The following TMTC1 variants were observed in gnomAD, a reference collection of about 807,000 sequenced individuals.
The protein encoded by TMTC1 is transmembrane O-mannosyltransferase targeting cadherins 1, also known as protein O-mannosyl-transferase TMTC1.
In TMTC1, 73 loss-of-function variants were observed where a neutral mutation model predicts 104.8. The observed-to-expected ratio is 0.70, with a 90% confidence interval of 0.58 to 0.85. TMTC1 has a LOEUF of 0.85. Among genes scored for constraint, TMTC1 ranks in the 40% least tolerant of loss-of-function variants. The pLI, the probability that TMTC1 is intolerant of heterozygous loss-of-function variation, is 0.00. For synonymous variants in TMTC1, 434 were observed against 428.7 expected (o/e 1.01, Z -0.15); for missense variants, 1,035 against 1,096.1 (o/e 0.94, Z 0.79).
chr12:29,583,184 T>C (rs1946029456), intron 8 of TMTC1, among the ~76,000 whole-genome samples: 2 of 152,196 alleles, frequency 1.3e-5, no homozygotes, highest in Admixed American at 1.3e-4. Flanking sequence ...GGAGCCTTAT[T>C]TTCATAAATT....
intron 5 of TMTC1, among the ~76,000 whole-genome samples, chr12:29,720,699 T>A (rs1942213765): frequency 6.6e-6 from 1 of 151,950 alleles, no homozygotes; most frequent in African/African-American, 2.4e-5. Context: ...CATGCTTCAA[T>A]ACGAGATCAA....
rs1943702298 is a variant in TMTC1 at position 29,506,762 on chromosome 12, C to A, written c.*84G>T. The A allele has an allele frequency of 6.5e-7, 1 of 1,526,818 alleles. No individual in the cohort carries two copies. The highest frequency in any genetic ancestry group is 1.7e-5 in the Admixed American group (1 of 59,270). 94.6% of individuals were successfully genotyped at this position (1,526,818 alleles called of 1,614,324 possible). A position where few individuals can be genotyped will look rare whatever the true frequency, so the allele number is the denominator to read the frequency against. On this transcript the variant is annotated 3_prime_UTR_variant, in exon 18 of 18. Transcript: ENST00000539277. The stretch of plus-strand genomic sequence containing the variant: ...TGAGAGAAAATCTCATTAGTTGTGC[C>A]CCTGCTGATGTGAAAGCAAGGCTTC...
rs189668604 is a variant in TMTC1 at position 29,629,890 on chromosome 12, T to C, written c.1128+3257A>G. 3.0e-4 allele frequency among the ~76,000 whole-genome samples: 45 copies of C among 152,322 alleles called. No individual in the cohort carries two copies. The East Asian group carries it at 6.9e-3, about 23-fold the overall frequency. ...AATTTTTTTCATTCAATTTTCAGGATTGGCCTTATGTTTTGTGTTTAAATT... is the reference window on the plus strand; with the variant it reads ...AATTTTTTTCATTCAATTTTCAGGACTGGCCTTATGTTTTGTGTTTAAATT... On this transcript the variant is annotated intron_variant, in intron 6 of 17. Transcript: ENST00000539277.
chr12:29,664,010 A>C (rs1591888678), intron 5 of TMTC1, among the ~76,000 whole-genome samples: 1 of 150,202 alleles, frequency 6.7e-6, no homozygotes, highest in Admixed American at 6.7e-5. Flanking sequence ...AAACGGTGAA[A>C]CCCCGTCTCT....
chr12:29,555,833 T>C (rs187002973), intron 10 of TMTC1, among the ~76,000 whole-genome samples: 1 of 152,332 alleles, frequency 6.6e-6, no homozygotes, highest in East Asian at 1.9e-4. Flanking sequence ...CCTTTGGGTA[T>C]ATACCCAGTA....
At chr12:29,671,894 G>A (rs2136682877) in intron 5 of TMTC1, among the ~76,000 whole-genome samples, 1 of 152,278 alleles carries the variant, frequency 6.6e-6, no homozygotes, top group African/African-American at 2.4e-5. Context: ...AGGCAAGAGG[G>A]GCCAAGGGGA....
At chr12:29,686,586 A>G (rs553383568) in intron 5 of TMTC1, among the ~76,000 whole-genome samples, 4 of 152,164 alleles carry the variant, frequency 2.6e-5, no homozygotes, top group Non-Finnish European at 5.9e-5. Flanking sequence ...AGCCAGTAGG[A>G]ATCCACTCCT....
intron 5 of TMTC1, among the ~76,000 whole-genome samples, chr12:29,670,934 C>CAAAAAA (rs374719241): frequency 7.3e-5 from 5 of 68,594 alleles, no homozygotes; most frequent in African/African-American, 2.4e-4. Context: ...GACTCTGTCT[C>CAAAAAA]AAAAAAAAAG....
At chr12:29,767,568 G>T (rs1943495195) in intron 2 of TMTC1, among the ~76,000 whole-genome samples, 1 of 152,116 alleles carries the variant, frequency 6.6e-6, no homozygotes, top group African/African-American at 2.4e-5. Flanking sequence ...ACAAACTGTG[G>T]CCATTCATTA....
chr12:29,728,998 CAAAAAA>C (rs34267484), intron 5 of TMTC1, among the ~76,000 whole-genome samples: 1 of 68,744 alleles, frequency 1.5e-5, no homozygotes, highest in Non-Finnish European at 2.9e-5. Flanking sequence ...ACTCCATCTC[CAAAAAA>C]AAAAAAAAAA....
At chr12:29,563,275 C>T (rs1303380077) in intron 9 of TMTC1, among the ~76,000 whole-genome samples, 2 of 152,176 alleles carry the variant, frequency 1.3e-5, no homozygotes, top group Non-Finnish European at 2.9e-5. Flanking sequence ...ATTGAAAAAG[C>T]TATATCCAAG....
intron 1 of TMTC1, among the ~76,000 whole-genome samples, chr12:29,769,764 C>T (rs1273116013): frequency 6.6e-6 from 1 of 152,130 alleles, no homozygotes; most frequent in Non-Finnish European, 1.5e-5. Context: ...GGCAATCTCA[C>T]ATCTGATCGG....
At chr12:29,577,000 G>T (rs967686427) in intron 8 of TMTC1, among the ~76,000 whole-genome samples, 71 of 152,178 alleles carry the variant, frequency 4.7e-4, no homozygotes, top group African/African-American at 1.7e-3. Context: ...TCTGAAAGAA[G>T]GATAAATAAT....
At chr12:29,551,900 G>A (rs1167772458) in intron 10 of TMTC1, among the ~76,000 whole-genome samples, 1 of 151,074 alleles carries the variant, frequency 6.6e-6, no homozygotes, top group Non-Finnish European at 1.5e-5. Context: ...CACTGTAAAT[G>A]TGCTGCACAG....
chr12:29,575,630 AGAAACAGACCATCT>A (rs1162177370), intron 8 of TMTC1, among the ~76,000 whole-genome samples: 2 of 152,052 alleles, frequency 1.3e-5, no homozygotes, highest in African/African-American at 2.4e-5. Context: ...AACAGCCAAA[AGAAACAGACCATCT>A]GAAAGCAGCA....
chr12:29,514,694 T>G (rs1248587434), intron 15 of TMTC1, 90 bp from the exon 16 acceptor site: 2 of 1,395,402 alleles, frequency 1.4e-6, no homozygotes, highest in African/African-American at 2.9e-5. Context: ...TTTGTTCCTA[T>G]GTGTCAGCAG....
At chr12:29,701,028 CTTT>C (rs761664217) in intron 5 of TMTC1, among the ~76,000 whole-genome samples, 1 of 142,850 alleles carries the variant, frequency 7.0e-6, no homozygotes, top group Admixed American at 7.0e-5. Flanking sequence ...GAATTTCTTT[CTTT>C]TTTTTTTTTT....
chr12:29,732,237 G>C (rs190770089), intron 5 of TMTC1, among the ~76,000 whole-genome samples: 1 of 152,160 alleles, frequency 6.6e-6, no homozygotes, highest in Non-Finnish European at 1.5e-5. Context: ...TGGTGCTCAG[G>C]AAAGAGTACT....
At chr12:29,746,449 C>G (rs949904835) in intron 5 of TMTC1, among the ~76,000 whole-genome samples, 6 of 152,130 alleles carry the variant, frequency 3.9e-5, no homozygotes, top group African/African-American at 1.4e-4. Flanking sequence ...TGGTACGAGG[C>G]TGTTAATAAT....
Sources: gnomAD v4.1 joint callset for allele counts (sites outside exome capture counted in the v4.1 genomes callset) on GRCh38, gnomAD v4.1.1 for gene constraint, MANE v1.5 for transcripts, NCBI Gene and HGNC (gene_info 2026-07-23, HGNC 2026-07-21) for gene names.